AGAP5: variants seen among roughly 807,000 people sequenced by gnomAD.
AGAP5 encodes the protein arf-GAP with GTPase, ANK repeat and PH domain-containing protein 5.
A neutral mutation model predicts 27.7 loss-of-function variants in AGAP5; 8 were observed. That is an observed-to-expected ratio of 0.29 (90% CI 0.17 to 0.52). The LOEUF (loss-of-function observed/expected upper bound fraction) is 0.52. Among genes scored for constraint, AGAP5 ranks in the 20% least tolerant of loss-of-function variants. The pLI is 0.97. For synonymous variants in AGAP5, 111 were observed against 338.0 expected, an observed-to-expected ratio of 0.33 and a Z score of 7.37; for missense variants, 285 against 880.8, an observed-to-expected ratio of 0.32 and a Z score of 8.56.
At chr10:73,691,998 T>C in intron 4 of AGAP5, 45 bp downstream of exon 4, 1 of 1,428,542 alleles carries the variant, frequency 7.0e-7, no homozygotes, top group South Asian at 1.3e-5. Flanking sequence ...AGACATCCTT[T>C]TATGTCAAAC....
intron 4 of AGAP5, among the ~76,000 whole-genome samples, chr10:73,689,924 G>T (rs1462381394): frequency 3.3e-5 from 5 of 149,614 alleles, no homozygotes; most frequent in Admixed American, 6.6e-5. Context: ...CTGCCCGGCC[G>T]CCCCTACTGG....
intron 4 of AGAP5, among the ~76,000 whole-genome samples, chr10:73,689,220 TGA>T (rs1240288480): frequency 4.6e-5 from 7 of 152,260 alleles, no homozygotes; most frequent in African/African-American, 9.6e-5. Flanking sequence ...AGCTCCTAAC[TGA>T]GAGTGATCCG....
Position 73,675,097 on chromosome 10 carries a change from C to T in AGAP5, c.1563G>A (p.Leu521=). The T allele has an allele frequency of 1.2e-6, 2 of 1,611,800 alleles. No homozygotes were observed. Among genetic ancestry groups the T allele is most frequent in the East Asian group, 2.2e-5 (1 of 44,868 alleles). ...TRLSRVRSLE[L]DDWPVELRKV... The stretch of plus-strand genomic sequence containing the variant: ...TCCTGAGCTCAACTGGCCAGTCATC[C>T]AGCTCCAGAGATCGCACACGGGAAA... The change falls in exon 8 of 8, where the codon CTG becomes CTA. Residue 521 remains leucine (L), a synonymous_variant. Coordinates refer to ENST00000374094, the MANE Select transcript of AGAP5 (RefSeq NM_001144000.4).
chr10:73,696,466 C>T (rs1419083554), intron 2 of AGAP5, among the ~76,000 whole-genome samples: 1 of 152,238 alleles, frequency 6.6e-6, no homozygotes, highest in Non-Finnish European at 1.5e-5. Flanking sequence ...TCTACATTGA[C>T]ATTTCATGTC....
chr10:73,697,954 C>A lies in AGAP5; in HGVS notation c.-199G>T. 1.3e-6 allele frequency: 2 copies of A among 1,509,044 alleles called. No individual in the cohort carries two copies. The highest frequency in any genetic ancestry group is 2.5e-5 in the South Asian group (2 of 79,406). 93.5% of individuals were successfully genotyped at this position (1,509,044 alleles called of 1,614,324 possible). A position where few individuals can be genotyped will look rare whatever the true frequency, so the allele number is the denominator to read the frequency against. The stretch of plus-strand genomic sequence containing the variant: ...GGCTAGGGCTGCGGGTCAAGGCCCA[C>A]ACCCTGCTGCCTCCCCTGAGTTGAC... On this transcript the variant is annotated 5_prime_UTR_variant, in exon 1 of 8. Coordinates refer to ENST00000374094, the MANE Select transcript of AGAP5 (RefSeq NM_001144000.4).
chr10:73,696,616 A>T (rs2082164093), intron 2 of AGAP5, among the ~76,000 whole-genome samples: 1 of 152,224 alleles, frequency 6.6e-6, no homozygotes, highest in African/African-American at 2.4e-5. Flanking sequence ...AGAGCCTCAT[A>T]GGTAAACTCC....
intron 4 of AGAP5, among the ~76,000 whole-genome samples, chr10:73,689,120 G>A (rs2082089980): frequency 6.6e-6 from 1 of 151,150 alleles, no homozygotes. Context: ...CCGAGTGCCT[G>A]CGATTGCAGG....
chr10:73,676,587 C>A (rs2081982044), intron 7 of AGAP5, 132 bp downstream of exon 7: 1 of 568,494 alleles, frequency 1.8e-6, no homozygotes, highest in East Asian at 2.8e-5. Flanking sequence ...CCAGCACATT[C>A]TTTTTACAAC....
At position 73,674,375 on chromosome 10, in the gene AGAP5, G is replaced by T. The variant is rs2132435635; in HGVS notation, c.*224C>A. The stretch of plus-strand genomic sequence containing the variant: ...CAGAAGCCTGTGTGACTTGGGCAAT[G>T]TGGCCAGGAGGGCCTGAGACTAACA... On this transcript the variant is annotated 3_prime_UTR_variant, in exon 8 of 8. Transcript: ENST00000374094. 2 of 620,258 alleles carry T rather than the reference G, an allele frequency of 3.2e-6. No individual in the cohort carries two copies. Among genetic ancestry groups the T allele is most frequent in the Non-Finnish European group, 5.8e-6 (2 of 344,894 alleles). The allele number at this position is 620,258 out of a possible 1,614,324, so 38.4% of individuals were successfully genotyped here. A position where few individuals can be genotyped will look rare whatever the true frequency, so the allele number is the denominator to read the frequency against.
chr10:73,694,923 T>C (rs1195176458), intron 2 of AGAP5, 119 bp from the exon 3 acceptor site: 28 of 1,563,976 alleles, frequency 1.8e-5, no homozygotes, highest in East Asian at 4.5e-5. Context: ...TTCTTATACA[T>C]TGAAATGAAT....
Position 73,676,786 on chromosome 10 carries a change from G to T in AGAP5, c.534-16C>A. 1 of 1,066,196 alleles carries T rather than the reference G, an allele frequency of 9.4e-7. No individual in the cohort carries two copies. The highest frequency in any genetic ancestry group is 1.3e-5 in the South Asian group (1 of 76,132). The allele number at this position is 1,066,196 out of a possible 1,614,324, so 66.0% of individuals were successfully genotyped here. On this transcript the variant is annotated splice_polypyrimidine_tract_variant and intron_variant, in intron 6 of 7. Transcript: ENST00000374094. ...ATCTGCATCTCTATAAAATAAGAAA[G>T]TGCATTACTTCAAAAACTGTTAATA...
chr10:73,685,197 T>C, intron 4 of AGAP5, among the ~76,000 whole-genome samples: 1 of 104,216 alleles, frequency 9.6e-6, no homozygotes, highest in East Asian at 2.6e-4. Flanking sequence ...TTGCTCTGGC[T>C]AGGCCTTCCA....
At chr10:73,689,248 C>G (rs1304387167) in intron 4 of AGAP5, among the ~76,000 whole-genome samples, 4 of 152,246 alleles carry the variant, frequency 2.6e-5, no homozygotes, top group Non-Finnish European at 5.9e-5. Context: ...CTCGGCCTCC[C>G]GAGGTGCCGG....
At chr10:73,696,436 T>C (rs2082162921) in intron 2 of AGAP5, among the ~76,000 whole-genome samples, 1 of 152,260 alleles carries the variant, frequency 6.6e-6, no homozygotes, top group South Asian at 2.1e-4. Context: ...ACCTGCAATC[T>C]TTATATTACA....
In AGAP5 at chr10:73,698,075, G is replaced by A. The variant is rs2082179798; in HGVS notation, c.-320C>T. The A allele has an allele frequency of 1.1e-5, 14 of 1,326,730 alleles. No homozygotes were observed. In the East Asian group the frequency reaches 1.3e-4, roughly 13 times the overall value. The allele number at this position is 1,326,730 out of a possible 1,614,324, so 82.2% of individuals were successfully genotyped here. Reference sequence around the variant, plus strand: ...ACAACTGCCTGAAGAGAGAACAGACGGAGCTCCTCCTCCTTCTGTAGTCAC... The same window carrying A: ...ACAACTGCCTGAAGAGAGAACAGACAGAGCTCCTCCTCCTTCTGTAGTCAC... On this transcript the variant is annotated 5_prime_UTR_variant, in exon 1 of 8. Coordinates refer to ENST00000374094, the MANE Select transcript of AGAP5 (RefSeq NM_001144000.4).
Position 73,697,879 on chromosome 10 carries a change from C to G in AGAP5, c.-124G>C. The G allele has an allele frequency of 6.5e-7, 1 of 1,541,258 alleles. No individual in the cohort carries two copies. Among genetic ancestry groups the G allele is most frequent in the Non-Finnish European group, 8.7e-7 (1 of 1,149,726 alleles). ...ATGGTCTTCCCGCTCCTCGCCTGCCCACCTCACAGCGCGGCCCCGGGCACC... is the reference window on the plus strand; with the variant it reads ...ATGGTCTTCCCGCTCCTCGCCTGCCGACCTCACAGCGCGGCCCCGGGCACC... On this transcript the variant is annotated 5_prime_UTR_variant, in exon 1 of 8. Transcript: ENST00000374094.
intron 4 of AGAP5, among the ~76,000 whole-genome samples, chr10:73,689,509 C>G (rs1212725892): frequency 6.6e-6 from 1 of 150,556 alleles, no homozygotes; most frequent in African/African-American, 2.5e-5. Context: ...TGAGGAGCGT[C>G]TCTGCCCGGC....
rs1262358993 is a variant in AGAP5, at chr10:73,698,018, G to A, written c.-263C>T. 7.0e-6 allele frequency: 10 copies of A among 1,431,752 alleles called. No homozygotes were observed. In the African/African-American group the frequency reaches 1.3e-4, roughly 18 times the overall value. The allele number at this position is 1,431,752 out of a possible 1,614,324, so 88.7% of individuals were successfully genotyped here. A position where few individuals can be genotyped will look rare whatever the true frequency, so the allele number is the denominator to read the frequency against. On this transcript the variant is annotated 5_prime_UTR_variant, in exon 1 of 8. Transcript: ENST00000374094. ...TGAAGACCAGCTGGCTTATTTAATAGGTTGTGAACCCAACAAGCGCTGAGA... is the reference window on the plus strand; with the variant it reads ...TGAAGACCAGCTGGCTTATTTAATAAGTTGTGAACCCAACAAGCGCTGAGA...
intron 4 of AGAP5, among the ~76,000 whole-genome samples, chr10:73,684,601 G>T: frequency 7.5e-6 from 1 of 133,736 alleles, no homozygotes; most frequent in Non-Finnish European, 1.6e-5. Flanking sequence ...TCACAAAATA[G>T]AAACAAATAA....
Sources: allele counts gnomAD v4.1 joint callset (sites outside exome capture counted in the v4.1 genomes callset), GRCh38; gene constraint gnomAD v4.1.1; transcripts MANE v1.5; gene names NCBI Gene and HGNC (gene_info 2026-07-23, HGNC 2026-07-21).